LCMT1: variants seen among roughly 807,000 people sequenced by gnomAD.
LCMT1 encodes leucine carboxyl methyltransferase 1.
In LCMT1, 32 loss-of-function variants were observed where a neutral mutation model predicts 47.7. The observed-to-expected ratio is 0.67, with a 90% confidence interval of 0.51 to 0.90. LCMT1 has a LOEUF of 0.90. Ranked by LOEUF, LCMT1 falls within the 40% of genes least tolerant of loss-of-function variation. The pLI is 0.00. For synonymous variants in LCMT1, 152 were observed against 149.7 expected (o/e 1.02, Z -0.11); for missense variants, 375 against 415.2 (o/e 0.90, Z 0.84).
intron 1 of LCMT1, among the ~76,000 whole-genome samples, chr16:25,123,503 G>A (rs969078893): frequency 6.6e-6 from 1 of 151,576 alleles, no homozygotes; most frequent in Admixed American, 6.6e-5. Flanking sequence ...GGGATTACAG[G>A]CGTGAGCCAC....
intron 1 of LCMT1, among the ~76,000 whole-genome samples, chr16:25,123,951 A>G (rs1350245222): frequency 6.6e-6 from 1 of 152,080 alleles, no homozygotes; most frequent in African/African-American, 2.4e-5. Context: ...CAAAATGTTG[A>G]CTTCCAAAGG....
intron 9 of LCMT1, among the ~76,000 whole-genome samples, chr16:25,171,882 T>C (rs1235793269): frequency 6.6e-6 from 1 of 152,214 alleles, no homozygotes; most frequent in African/African-American, 2.4e-5. Flanking sequence ...TATTGATACA[T>C]AGATTTCTAT....
intron 10 of LCMT1, among the ~76,000 whole-genome samples, chr16:25,176,630 C>T (rs1401279369): frequency 1.6e-5 from 2 of 122,732 alleles, no homozygotes; most frequent in Admixed American, 1.1e-4. Context: ...AGCATGATCT[C>T]GTCTCACTGC....
rs748430758 is a variant in LCMT1, at chr16:25,169,287, A to T, written c.792+74A>T. On this transcript the variant is annotated intron_variant, in intron 8 of 10. Transcript: ENST00000399069. ...GATATATAAAGGTCTTTCTTTGCAGATGTGATCATGGAGAAGCCCTGTTCA... is the reference window on the plus strand; with the variant it reads ...GATATATAAAGGTCTTTCTTTGCAGTTGTGATCATGGAGAAGCCCTGTTCA... 2.9e-6 allele frequency: 3 copies of T among 1,039,082 alleles called. No homozygotes were observed. The East Asian group carries it at 7.1e-5, about 25-fold the overall frequency. The allele number at this position is 1,039,082 out of a possible 1,614,324, so 64.4% of individuals were successfully genotyped here. A position where few individuals can be genotyped will look rare whatever the true frequency, so the allele number is the denominator to read the frequency against.
At chr16:25,131,690 T>A (rs1960352323) in intron 2 of LCMT1, among the ~76,000 whole-genome samples, 1 of 152,190 alleles carries the variant, frequency 6.6e-6, no homozygotes, top group African/African-American at 2.4e-5. Flanking sequence ...CTTCTTTATT[T>A]CCATCTCCTT....
At chr16:25,144,702 A>G (rs537649809) in intron 4 of LCMT1, 14 of 152,086 alleles carry the variant, frequency 9.2e-5, no homozygotes, top group African/African-American at 3.4e-4. Flanking sequence ...GCTTCTGTAT[A>G]TTGTCCCTGT....
chr16:25,147,668 A>T (rs1960907152), intron 4 of LCMT1: 1 of 151,980 alleles, frequency 6.6e-6, no homozygotes, highest in Non-Finnish European at 1.5e-5. Flanking sequence ...TACAGAGGAA[A>T]ATCAGTTTCT....
At position 25,136,837 on chromosome 16, in the gene LCMT1, C is replaced by T. The variant is rs73563458; in HGVS notation, c.328-3334C>T. Among the ~76,000 whole-genome samples the T allele has an allele frequency of 8.9e-3, 1,353 of 152,252 alleles. 20 individuals carry two copies. Among genetic ancestry groups the T allele is most frequent in the African/African-American group, 0.031 (1,286 of 41,546 alleles). On this transcript the variant is annotated intron_variant, in intron 3 of 10. Coordinates refer to ENST00000399069, the MANE Select transcript of LCMT1 (RefSeq NM_016309.3). Reference sequence around the variant, plus strand: ...TACAGATGTGAGCCACCGCGCCCCACAGGATGTCTTTCTTAAGCGCTCCGG... The same window carrying T: ...TACAGATGTGAGCCACCGCGCCCCATAGGATGTCTTTCTTAAGCGCTCCGG...
intron 1 of LCMT1, among the ~76,000 whole-genome samples, chr16:25,126,863 A>C (rs1409586279): frequency 1.3e-5 from 2 of 152,182 alleles, no homozygotes; most frequent in Non-Finnish European, 2.9e-5. Flanking sequence ...TGATGAGATC[A>C]TTTCTAAGGT....
intron 3 of LCMT1, among the ~76,000 whole-genome samples, chr16:25,135,914 A>C (rs1016725355): frequency 3.3e-5 from 5 of 151,694 alleles, no homozygotes; most frequent in African/African-American, 1.2e-4. Flanking sequence ...ATCATGACAA[A>C]ACCCCATCTC....
At chr16:25,134,464 C>G (rs1337496267) in intron 3 of LCMT1, among the ~76,000 whole-genome samples, 1 of 152,234 alleles carries the variant, frequency 6.6e-6, no homozygotes, top group Non-Finnish European at 1.5e-5. Context: ...GCCAGAGGCT[C>G]TGGGGCAGGG....
At position 25,125,171 on chromosome 16, in the gene LCMT1, C is replaced by T. The variant is rs58739576; in HGVS notation, c.114-3304C>T. ...AAATTGACAGGCAGAACTAGATGCACAGTGTCATGCAGGGTGCAGAGATAA... is the reference window on the plus strand; with the variant it reads ...AAATTGACAGGCAGAACTAGATGCATAGTGTCATGCAGGGTGCAGAGATAA... On this transcript the variant is annotated intron_variant, in intron 1 of 10. Transcript: ENST00000399069. Among the ~76,000 whole-genome samples, 1,488 of 152,276 alleles carry T rather than the reference C, an allele frequency of 9.8e-3. 25 individuals carry two copies. The highest frequency in any genetic ancestry group is 0.034 in the African/African-American group (1,421 of 41,540).
chr16:25,159,724 A>G (rs570678039), intron 5 of LCMT1, among the ~76,000 whole-genome samples: 1 of 152,214 alleles, frequency 6.6e-6, no homozygotes, highest in African/African-American at 2.4e-5. Flanking sequence ...GAATCAGCCA[A>G]GTGGAGTTAT....
intron 4 of LCMT1, chr16:25,146,248 C>G (rs1960847936): frequency 6.6e-6 from 1 of 152,334 alleles, no homozygotes; most frequent in Non-Finnish European, 1.5e-5. Flanking sequence ...GTTTTCCTAC[C>G]TGCCACATCA....
intron 10 of LCMT1, among the ~76,000 whole-genome samples, chr16:25,177,370 T>A (rs1167097340): frequency 5.3e-5 from 8 of 152,170 alleles, no homozygotes; most frequent in African/African-American, 1.9e-4. Flanking sequence ...AAATAGTGTT[T>A]TGTTTGTTTT....
At chr16:25,159,460 T>G (rs1317067868) in intron 5 of LCMT1, among the ~76,000 whole-genome samples, 4 of 152,138 alleles carry the variant, frequency 2.6e-5, no homozygotes, top group Non-Finnish European at 5.9e-5. Context: ...GTACAGACAG[T>G]CTTGCTGTGT....
At chr16:25,140,527 T>G (rs1449666009) in intron 4 of LCMT1, 1 of 423,208 alleles carries the variant, frequency 2.4e-6, no homozygotes, top group Middle Eastern at 6.5e-4. Context: ...GTTTTTGTTT[T>G]TGGGGCTTGT....
chr16:25,141,644 A>G (rs185755844), intron 4 of LCMT1: 1 of 152,422 alleles, frequency 6.6e-6, no homozygotes, highest in African/African-American at 2.4e-5. Context: ...GGCATGAACC[A>G]TTGTGCCTGG....
At chr16:25,138,994 C>T (rs1289770995) in intron 3 of LCMT1, among the ~76,000 whole-genome samples, 1 of 151,984 alleles carries the variant, frequency 6.6e-6, no homozygotes, top group East Asian at 1.9e-4. Context: ...GGCTGGAGTG[C>T]AGCAGCGCGA....
Sources: allele counts gnomAD v4.1 joint callset (sites outside exome capture counted in the v4.1 genomes callset), GRCh38; gene constraint gnomAD v4.1.1; transcripts MANE v1.5; gene names NCBI Gene and HGNC (gene_info 2026-07-23, HGNC 2026-07-21).